Variants in JAKMIP2 observed in about 807,000 individuals in gnomAD.
The protein encoded by JAKMIP2 is janus kinase and microtubule-interacting protein 2.
A neutral mutation model predicts 115.0 loss-of-function variants in JAKMIP2; 25 were observed. That is an observed-to-expected ratio of 0.22 (90% confidence interval 0.16 to 0.30). The LOEUF (loss-of-function observed/expected upper bound fraction) is 0.30, where lower values mean the gene tolerates loss of function less well. JAKMIP2 is among the 10% of genes least tolerant of loss of function. The probability of loss-of-function intolerance (pLI) is 1.00; values close to 1 mark genes in which losing one functional copy is unlikely to be tolerated. For missense variants in JAKMIP2, 642 were observed against 957.6 expected (o/e 0.67, Z 4.35); for synonymous variants, 334 against 343.6 (o/e 0.97, Z 0.31).
intron 20 of JAKMIP2, among the ~76,000 whole-genome samples, chr5:147,609,679 T>A (rs1481136196): frequency 6.6e-6 from 1 of 152,184 alleles, no homozygotes; most frequent in Non-Finnish European, 1.5e-5. Context: ...TCGAGGAGTA[T>A]CTTTGTGGTG....
chr5:147,637,022 C>T lies in JAKMIP2; in HGVS notation c.1557G>A (p.Val519=). The part of the protein sequence containing the change: ...AKAQEQLQAE[V]LRYKAKIEDL... ...CTTCAATTTTGGCTTTATACCTTAG[C>T]ACCTCTGCTTGGAGCTGTTCTTGAG... Residue 519 remains valine, a synonymous_variant, in exon 11 of 22, where the codon GTG becomes GTA. Transcript: ENST00000616793. The T allele has an allele frequency of 1.1e-6, 1 of 872,776 alleles. No homozygotes were observed. The highest frequency in any genetic ancestry group is 2.0e-6 in the Non-Finnish European group (1 of 501,614). The allele number at this position is 872,776 out of a possible 1,614,324, so 54.1% of individuals were successfully genotyped here.
At position 147,782,458 on chromosome 5, in the gene JAKMIP2, T is replaced by C; in HGVS notation, c.-151A>G. On this transcript the variant is annotated splice_region_variant and 5_prime_UTR_variant, in exon 1 of 22. The change abolishes an upstream ATG in the 5' untranslated region. Coordinates refer to ENST00000616793, the MANE Select transcript of JAKMIP2 (RefSeq NM_001270941.2). ...GAGCCCTACTGTTTCCTACTCACCA[T>C]GCTGAGACCCGGAGAAGCTGTTTAA... is the stretch of plus-strand genomic sequence containing the variant. 2 of 1,536,044 alleles carry C rather than the reference T, an allele frequency of 1.3e-6. No individual in the cohort carries two copies. Among genetic ancestry groups the C allele is most frequent in the Non-Finnish European group, 1.7e-6 (2 of 1,146,844 alleles).
intron 21 of JAKMIP2, among the ~76,000 whole-genome samples, chr5:147,594,657 G>A (rs1350744274): frequency 2.0e-5 from 3 of 152,044 alleles, no homozygotes; most frequent in African/African-American, 2.4e-5. Context: ...TCTTGAGTAC[G>A]GTGATGTGGC....
chr5:147,707,995 G>A (rs983092149), intron 1 of JAKMIP2, among the ~76,000 whole-genome samples: 5 of 151,944 alleles, frequency 3.3e-5, no homozygotes, highest in Non-Finnish European at 7.4e-5. Context: ...GAGAGAAGAG[G>A]GCAATTTAAA....
chr5:147,671,320 C>G (rs1464605256), intron 2 of JAKMIP2, among the ~76,000 whole-genome samples: 1 of 152,142 alleles, frequency 6.6e-6, no homozygotes, highest in Non-Finnish European at 1.5e-5. Flanking sequence ...TCTGAATGCT[C>G]TGGGAGTTAA....
At chr5:147,737,552 C>G (rs544815170) in intron 1 of JAKMIP2, among the ~76,000 whole-genome samples, 108 of 152,218 alleles carry the variant, frequency 7.1e-4, no homozygotes, top group African/African-American at 2.5e-3. Context: ...TGTGACAGAC[C>G]TCCAGGTTTA....
chr5:147,590,020 A>C lies in JAKMIP2; in HGVS notation c.*1687T>G, dbSNP rs1309742085. The C allele has an allele frequency of 6.6e-6, 1 of 152,266 alleles. No individual in the cohort carries two copies. Among genetic ancestry groups the C allele is most frequent in the Non-Finnish European group, 1.5e-5 (1 of 68,058 alleles). The allele number at this position is 152,266 out of a possible 1,614,324, so 9.4% of individuals were successfully genotyped here. ...TTTGCAGATGAGGAAACTGAGGCAC[A>C]GAGAGGTTAAGTGACTGGGCCAAAG... On this transcript the variant is annotated 3_prime_UTR_variant, in exon 22 of 22. Coordinates refer to ENST00000616793, the MANE Select transcript of JAKMIP2 (RefSeq NM_001270941.2).
intron 3 of JAKMIP2, chr5:147,660,401 A>G: frequency 4.6e-6 from 2 of 436,390 alleles, no homozygotes; most frequent in Middle Eastern, 8.3e-4. Flanking sequence ...TTTGGGAAAA[A>G]TATCTATGTT....
chr5:147,625,040 G>C (rs1197461711), intron 16 of JAKMIP2, among the ~76,000 whole-genome samples: 2 of 151,964 alleles, frequency 1.3e-5, no homozygotes, highest in African/African-American at 2.4e-5. Flanking sequence ...GAGTGCAATG[G>C]CACGATCTTG....
chr5:147,611,549 G>A (rs1756323614), intron 20 of JAKMIP2, among the ~76,000 whole-genome samples: 1 of 152,162 alleles, frequency 6.6e-6, no homozygotes, highest in Admixed American at 6.5e-5. Flanking sequence ...GATGAACCAG[G>A]TACCTCAGTT....
chr5:147,594,577 A>G lies in JAKMIP2; in HGVS notation c.*21-2891T>C, dbSNP rs140358499. The G allele has an allele frequency of 7.0e-3, 2,265 of 322,406 alleles. 107 individuals carry two copies. The East Asian group carries it at 0.12, about 17-fold the overall frequency. The allele number at this position is 322,406 out of a possible 1,614,324, so 20.0% of individuals were successfully genotyped here. ...TTAAACTCCTGGGCTCAAGTGATCC[A>G]CCTGCCTCAGCCTCTCAAAATGCTG... is the stretch of plus-strand genomic sequence containing the variant. On this transcript the variant is annotated intron_variant, in intron 21 of 21. Transcript: ENST00000616793.
intron 20 of JAKMIP2, among the ~76,000 whole-genome samples, chr5:147,603,170 T>G (rs934420689): frequency 6.6e-6 from 1 of 152,078 alleles, no homozygotes; most frequent in African/African-American, 2.4e-5. Context: ...CCATTTGGAG[T>G]CAGACACCCT....
intron 2 of JAKMIP2, among the ~76,000 whole-genome samples, chr5:147,670,921 A>C (rs964887900): frequency 1.3e-5 from 2 of 152,232 alleles, no homozygotes; most frequent in African/African-American, 4.8e-5. Flanking sequence ...GCACTAAACA[A>C]GTAAAAAGCA....
chr5:147,637,896 T>C (rs1432150699), intron 10 of JAKMIP2, among the ~76,000 whole-genome samples: 1 of 152,202 alleles, frequency 6.6e-6, no homozygotes, highest in Non-Finnish European at 1.5e-5. Context: ...GTTTCCTGCC[T>C]GTAAACCCAT....
intron 20 of JAKMIP2, among the ~76,000 whole-genome samples, chr5:147,610,847 T>G (rs1756280496): frequency 6.6e-6 from 1 of 152,214 alleles, no homozygotes; most frequent in African/African-American, 2.4e-5. Context: ...AGCCCCTGAA[T>G]GGGGCTGCTG....
At position 147,641,749 on chromosome 5, in the gene JAKMIP2, T is replaced by A; in HGVS notation, c.1240A>T (p.Ile414Phe). The A allele has an allele frequency of 6.2e-7, 1 of 1,612,806 alleles. No individual in the cohort carries two copies. The highest frequency in any genetic ancestry group is 1.1e-5 in the South Asian group (1 of 91,030). ...CTTCTTCTATGCTTTCTTCTACGGA[T>A]GAGCTTTTCTCGGTCCTGGAAAACA... ...DELTRDREKL[I>F]RRRKHRRSSK... Residue 414 changes from isoleucine (I) to phenylalanine (F), a missense_variant, in exon 8 of 22, where the codon ATC (isoleucine) becomes TTC (phenylalanine). Coordinates refer to ENST00000616793, the MANE Select transcript of JAKMIP2 (RefSeq NM_001270941.2).
rs751130254 is a variant in JAKMIP2, at chr5:147,661,179, C to A, written c.396G>T (p.Ala132=). ...RDGSSDKVRT[A]LTIEAREEAR... Reference sequence around the variant, plus strand: ...CCTCCTCCCGGGCCTCAATGGTGAGCGCTGTCCTTACTTTGTCACTGCTGC... The same window carrying A: ...CCTCCTCCCGGGCCTCAATGGTGAGAGCTGTCCTTACTTTGTCACTGCTGC... The change falls in exon 3 of 22, where the codon GCG becomes GCT. Residue 132 remains alanine (A), a synonymous_variant. Transcript: ENST00000616793. The A allele has an allele frequency of 3.1e-6, 5 of 1,614,068 alleles. No individual in the cohort carries two copies. In the Admixed American group the frequency reaches 8.3e-5, roughly 27 times the overall value.
chr5:147,705,371 G>A (rs1012982418), intron 1 of JAKMIP2, among the ~76,000 whole-genome samples: 8 of 152,152 alleles, frequency 5.3e-5, no homozygotes, highest in Non-Finnish European at 1.2e-4. Flanking sequence ...GGGAGGTCGA[G>A]GTGGATGGAT....
At chr5:147,666,543 G>T (rs1050445332) in intron 2 of JAKMIP2, among the ~76,000 whole-genome samples, 2 of 152,116 alleles carry the variant, frequency 1.3e-5, no homozygotes, top group Admixed American at 6.5e-5. Flanking sequence ...TTAACCTCCC[G>T]GGCGGCTCTA....
Sources: allele counts gnomAD v4.1 joint callset (sites outside exome capture counted in the v4.1 genomes callset), GRCh38; gene constraint gnomAD v4.1.1; transcripts MANE v1.5; gene names NCBI Gene and HGNC (gene_info 2026-07-23, HGNC 2026-07-21).